The following AK5 variants were observed in gnomAD, a reference collection of about 807,000 sequenced individuals.
AK5 encodes the protein adenylate kinase 5.
A neutral mutation model predicts 69.5 loss-of-function variants in AK5; 27 were observed. The observed-to-expected ratio is 0.39, with a 90% CI of 0.29 to 0.54. AK5 has a LOEUF of 0.54. Ranked by LOEUF, AK5 falls within the 20% of genes least tolerant of loss-of-function variation. The pLI, the probability that AK5 is intolerant of heterozygous loss-of-function variation, is 0.71. For synonymous variants in AK5, 260 were observed against 244.4 expected (o/e 1.06, Z -0.60); for missense variants, 531 against 700.4 (o/e 0.76, Z 2.73).
At chr1:77,322,545 A>T (rs988800301) in intron 5 of AK5, among the ~76,000 whole-genome samples, 3 of 152,150 alleles carry the variant, frequency 2.0e-5, no homozygotes, top group Non-Finnish European at 2.9e-5. Context: ...TTGGGATTTT[A>T]AAAAAAGCAA....
intron 8 of AK5, among the ~76,000 whole-genome samples, chr1:77,464,659 G>C (rs775834139): frequency 3.9e-5 from 6 of 152,126 alleles, no homozygotes; most frequent in African/African-American, 1.4e-4. Flanking sequence ...TACGGGATAG[G>C]CTGGCCCAGA....
At chr1:77,458,768 G>A (rs1653653301) in intron 8 of AK5, among the ~76,000 whole-genome samples, 1 of 152,154 alleles carries the variant, frequency 6.6e-6, no homozygotes, top group Admixed American at 6.5e-5. Flanking sequence ...GCTACAAGAT[G>A]AGATTTGAGT....
intron 8 of AK5, among the ~76,000 whole-genome samples, chr1:77,468,072 A>T (rs983674825): frequency 6.6e-6 from 1 of 152,220 alleles, no homozygotes; most frequent in African/African-American, 2.4e-5. Flanking sequence ...GACTGGCCTG[A>T]GGCCACTTTA....
intron 13 of AK5, among the ~76,000 whole-genome samples, chr1:77,548,901 T>A (rs915086430): frequency 6.3e-5 from 9 of 143,384 alleles, no homozygotes; most frequent in Non-Finnish European, 1.1e-4. Context: ...CTTTTAGCTT[T>A]TTTTTTTTTT....
chr1:77,320,706 G>A (rs1309828929), intron 5 of AK5, among the ~76,000 whole-genome samples: 1 of 152,078 alleles, frequency 6.6e-6, no homozygotes, highest in African/African-American at 2.4e-5. Context: ...CTGAGATCAC[G>A]CCATTGCACT....
At chr1:77,545,747 T>TG (rs1290546631) in intron 13 of AK5, among the ~76,000 whole-genome samples, 1 of 152,180 alleles carries the variant, frequency 6.6e-6, no homozygotes, top group Non-Finnish European at 1.5e-5. Flanking sequence ...CCACCTTCAC[T>TG]GGGGGTGCCT....
chr1:77,374,345 C>T (rs1183512493), intron 6 of AK5, among the ~76,000 whole-genome samples: 2 of 151,458 alleles, frequency 1.3e-5, no homozygotes, highest in Non-Finnish European at 2.9e-5. Context: ...GAAATCCTCC[C>T]AAATAGAATT....
intron 5 of AK5, among the ~76,000 whole-genome samples, chr1:77,334,755 T>A (rs1661262527): frequency 6.6e-6 from 1 of 152,196 alleles, no homozygotes; most frequent in African/African-American, 2.4e-5. Context: ...TTTAGTTATC[T>A]AAGGGTGGTT....
At chr1:77,545,329 A>G (rs547763460) in intron 13 of AK5, among the ~76,000 whole-genome samples, 3 of 151,964 alleles carry the variant, frequency 2.0e-5, no homozygotes, top group African/African-American at 4.8e-5. Flanking sequence ...ACACACAACC[A>G]TGGTGGGGGA....
intron 6 of AK5, among the ~76,000 whole-genome samples, chr1:77,344,640 T>C (rs1036495080): frequency 2.0e-5 from 3 of 152,198 alleles, no homozygotes; most frequent in Non-Finnish European, 4.4e-5. Flanking sequence ...ACAGTTCCAA[T>C]AAAATGTCTG....
intron 8 of AK5, among the ~76,000 whole-genome samples, chr1:77,423,829 GA>G (rs35473006): frequency 1.5e-3 from 224 of 149,404 alleles, no homozygotes; most frequent in Non-Finnish European, 2.6e-3. Context: ...CGTGGGAGGA[GA>G]AAAAAAAAAC....
rs180927983 is a variant in AK5, at chr1:77,515,050, G to A, written c.1148-3514G>A. On this transcript the variant is annotated intron_variant, in intron 10 of 13. Transcript: ENST00000354567. ...CTCCATTCCTATTATACTGAGAGAC[G>A]GGAGGCATAGTGCTTACAGTAAACA... Among the ~76,000 whole-genome samples, 39 of 152,320 alleles carry A rather than the reference G, an allele frequency of 2.6e-4. No individual in the cohort carries two copies. The East Asian group carries it at 6.9e-3, about 27-fold the overall frequency.
intron 6 of AK5, among the ~76,000 whole-genome samples, chr1:77,406,611 C>T (rs2349965): frequency 0.089 from 13,502 of 151,766 alleles, 810 homozygotes; most frequent in African/African-American, 0.16. Flanking sequence ...ACTATAATGA[C>T]CATATGCCAC....
intron 13 of AK5, among the ~76,000 whole-genome samples, chr1:77,536,832 A>C (rs1215631149): frequency 6.6e-6 from 1 of 152,252 alleles, no homozygotes; most frequent in African/African-American, 2.4e-5. Flanking sequence ...AAGAAGCTGC[A>C]TATGGGGCCA....
intron 8 of AK5, among the ~76,000 whole-genome samples, chr1:77,465,232 G>T (rs59913458): frequency 0.054 from 8,138 of 151,974 alleles, 435 homozygotes; most frequent in East Asian, 0.19. Context: ...CCAGGCCAGG[G>T]AAAAAAGCAG....
chr1:77,447,607 C>G (rs1454914105), intron 8 of AK5, among the ~76,000 whole-genome samples: 1 of 152,212 alleles, frequency 6.6e-6, no homozygotes, highest in Non-Finnish European at 1.5e-5. Context: ...AATTTCGTGG[C>G]TTCTCTAACA....
chr1:77,311,884 C>G (rs1223421658), intron 5 of AK5, among the ~76,000 whole-genome samples: 1 of 152,138 alleles, frequency 6.6e-6, no homozygotes, highest in Non-Finnish European at 1.5e-5. Flanking sequence ...CTAAGAATGG[C>G]TGGAAACCAC....
chr1:77,434,629 T>C (rs774538785), intron 8 of AK5, among the ~76,000 whole-genome samples: 1 of 152,150 alleles, frequency 6.6e-6, no homozygotes, highest in Non-Finnish European at 1.5e-5. Flanking sequence ...CAAAGCTCAG[T>C]TTTCCTAAAT....
chr1:77,321,453 A>G (rs1198786840), intron 5 of AK5, among the ~76,000 whole-genome samples: 1 of 152,074 alleles, frequency 6.6e-6, no homozygotes, highest in African/African-American at 2.4e-5. Context: ...TGGGCAATAG[A>G]TAGAGCGAGA....
Sources: allele counts gnomAD v4.1 joint callset (sites outside exome capture counted in the v4.1 genomes callset), GRCh38; gene constraint gnomAD v4.1.1; transcripts MANE v1.5; gene names NCBI Gene and HGNC (gene_info 2026-07-23, HGNC 2026-07-21).